RALYL: variants seen among roughly 807,000 people sequenced by gnomAD.
The protein encoded by RALYL is RALY RNA binding protein like, also known as RNA-binding Raly-like protein.
Under a neutral mutation model 35.1 loss-of-function variants are expected in RALYL, and 29 were observed. That is an observed-to-expected ratio of 0.83 (90% CI 0.61 to 1.13). The LOEUF (loss-of-function observed/expected upper bound fraction) is 1.13. RALYL is among the 50% of genes most tolerant of loss of function. RALYL has a pLI of 0.00. For synonymous variants in RALYL, 120 were observed against 127.6 expected, an observed-to-expected ratio of 0.94 and a Z score of 0.40; for missense variants, 359 against 360.4, an observed-to-expected ratio of 1.00 and a Z score of 0.03.
intron 2 of RALYL, among the ~76,000 whole-genome samples, chr8:84,597,000 A>C (rs188946476): frequency 2.0e-5 from 3 of 152,274 alleles, no homozygotes; most frequent in Admixed American, 2.0e-4. Context: ...GATAGAAAAC[A>C]AGAGGCTACA....
chr8:84,689,816 C>A (rs928455164), intron 2 of RALYL, among the ~76,000 whole-genome samples: 2 of 152,080 alleles, frequency 1.3e-5, no homozygotes, highest in Non-Finnish European at 2.9e-5. Flanking sequence ...ATTTGCATTT[C>A]TCTGATGGCC....
chr8:84,334,432 C>A (rs1847388837), intron 1 of RALYL, among the ~76,000 whole-genome samples: 1 of 151,594 alleles, frequency 6.6e-6, no homozygotes, highest in South Asian at 2.1e-4. Context: ...CAAACATGTT[C>A]TTTTATACAT....
rs578159170 is a variant in RALYL at position 84,551,155 on chromosome 8, A to G, written c.256+21578A>G. Among the ~76,000 whole-genome samples, 5 of 152,102 alleles carry G rather than the reference A, an allele frequency of 3.3e-5. No homozygotes were observed. In the East Asian group the frequency reaches 9.6e-4, roughly 29 times the overall value. ...TTATTACATTGTAATTTTCTGTTTT[A>G]TGTTGAAATTTAAATTTCTACTAGA... is the stretch of plus-strand genomic sequence containing the variant. On this transcript the variant is annotated intron_variant, in intron 2 of 8. Transcript: ENST00000521268.
At chr8:84,846,035 G>A (rs775740338) in intron 4 of RALYL, among the ~76,000 whole-genome samples, 10 of 152,068 alleles carry the variant, frequency 6.6e-5, no homozygotes, top group South Asian at 2.1e-4. Context: ...TTTGGTTACC[G>A]TAGCCTTGTA....
chr8:84,562,821 G>A (rs1337159663), intron 2 of RALYL, among the ~76,000 whole-genome samples: 1 of 151,864 alleles, frequency 6.6e-6, no homozygotes, highest in East Asian at 1.9e-4. Context: ...AAGTTAGGGA[G>A]GCATTACGCT....
intron 1 of RALYL, among the ~76,000 whole-genome samples, chr8:84,497,971 T>C (rs199657926): frequency 7.0e-6 from 1 of 141,890 alleles, no homozygotes; most frequent in South Asian, 2.2e-4. Flanking sequence ...TTTTTTTTTT[T>C]GTTTTCAACT....
intron 2 of RALYL, among the ~76,000 whole-genome samples, chr8:84,536,184 T>G (rs1284798783): frequency 2.6e-5 from 4 of 152,178 alleles, no homozygotes; most frequent in Non-Finnish European, 5.9e-5. Context: ...GTGTGATTTT[T>G]CTCCGTTAGA....
chr8:84,450,546 G>A (rs758711811), intron 1 of RALYL, among the ~76,000 whole-genome samples: 17 of 150,876 alleles, frequency 1.1e-4, no homozygotes, highest in South Asian at 2.1e-4. Flanking sequence ...TTATGGCTGC[G>A]GCACAAACTA....
intron 1 of RALYL, among the ~76,000 whole-genome samples, chr8:84,411,176 A>G (rs1486542230): frequency 6.6e-6 from 1 of 151,848 alleles, no homozygotes; most frequent in African/African-American, 2.4e-5. Context: ...ATTTTTTCCC[A>G]TGGTATTATC....
rs1377804287 is a variant in RALYL at position 84,921,261 on chromosome 8, T to C, written c.*350T>C. ...TATTTTTATGATTAGCATGTTTCAC[T>C]GTTGATCATATATAAAGTCAGGTGA... On this transcript the variant is annotated 3_prime_UTR_variant, in exon 9 of 9. Transcript: ENST00000521268. 1 of 172,396 alleles carries C rather than the reference T, an allele frequency of 5.8e-6. No individual in the cohort carries two copies. The highest frequency in any genetic ancestry group is 1.2e-5 in the Non-Finnish European group (1 of 81,804). The allele number at this position is 172,396 out of a possible 1,614,324, so 10.7% of individuals were successfully genotyped here. A position where few individuals can be genotyped will look rare whatever the true frequency, so the allele number is the denominator to read the frequency against.
chr8:84,202,325 C>A, intron 1 of RALYL, among the ~76,000 whole-genome samples: 1 of 147,830 alleles, frequency 6.8e-6, no homozygotes. Flanking sequence ...TGATATAAAA[C>A]ATATAAAATC....
At chr8:84,477,897 G>C (rs1015948056) in intron 1 of RALYL, among the ~76,000 whole-genome samples, 4 of 151,948 alleles carry the variant, frequency 2.6e-5, no homozygotes, top group African/African-American at 9.7e-5. Flanking sequence ...AACCATGCAA[G>C]TGTAAGAATA....
At chr8:84,351,718 G>A (rs1850927392) in intron 1 of RALYL, among the ~76,000 whole-genome samples, 1 of 150,070 alleles carries the variant, frequency 6.7e-6, no homozygotes, top group Non-Finnish European at 1.5e-5. Flanking sequence ...TTGCAAGGAT[G>A]GGGTGCACAA....
chr8:84,605,239 T>C (rs1020786874), intron 2 of RALYL, among the ~76,000 whole-genome samples: 22 of 152,062 alleles, frequency 1.4e-4, no homozygotes, highest in Non-Finnish European at 2.8e-4. Context: ...AATCAATAAC[T>C]TTTACTTGGG....
chr8:84,681,182 T>A (rs1211088350), intron 2 of RALYL, among the ~76,000 whole-genome samples: 4 of 152,226 alleles, frequency 2.6e-5, no homozygotes, highest in South Asian at 2.1e-4. Context: ...ATTATTTCTA[T>A]GGGCTCTGTT....
intron 1 of RALYL, among the ~76,000 whole-genome samples, chr8:84,512,719 C>T (rs185448394): frequency 4.6e-4 from 70 of 152,076 alleles, no homozygotes; most frequent in African/African-American, 1.3e-3. Context: ...TGATAATAGA[C>T]GGGTCTAGTT....
intron 1 of RALYL, among the ~76,000 whole-genome samples, chr8:84,422,418 G>A (rs1208460274): frequency 7.4e-6 from 1 of 135,470 alleles, no homozygotes; most frequent in African/African-American, 3.0e-5. Context: ...TTTTTATTAT[G>A]TCTATTTGAT....
chr8:84,619,229 A>C (rs1288149141), intron 2 of RALYL, among the ~76,000 whole-genome samples: 1 of 151,744 alleles, frequency 6.6e-6, no homozygotes, highest in African/African-American at 2.4e-5. Flanking sequence ...GTGGCAGTCC[A>C]AGTCTCTTTG....
At chr8:84,346,212 C>A in intron 1 of RALYL, 1 of 303,226 alleles carries the variant, frequency 3.3e-6, no homozygotes, top group Non-Finnish European at 4.8e-6. Flanking sequence ...TGTATTTAAG[C>A]AAATTGATAA....
Sources: gnomAD v4.1 joint callset for allele counts (sites outside exome capture counted in the v4.1 genomes callset) on GRCh38, gnomAD v4.1.1 for gene constraint, MANE v1.5 for transcripts, NCBI Gene and HGNC (gene_info 2026-07-23, HGNC 2026-07-21) for gene names.